LYPLAL1: variants seen among roughly 807,000 people sequenced by gnomAD.
LYPLAL1 encodes the protein lysophospholipase like 1, also known as lysophospholipase-like protein 1.
A neutral mutation model predicts 19.7 loss-of-function variants in LYPLAL1; 23 were observed. That is an observed-to-expected ratio of 1.17 (90% confidence interval 0.84 to 1.65). The LOEUF (loss-of-function observed/expected upper bound fraction) is 1.65. LYPLAL1 is among the 40% of genes most tolerant of loss of function. The pLI, the probability that LYPLAL1 is intolerant of heterozygous loss-of-function variation, is 0.00. For synonymous variants in LYPLAL1, 119 were observed against 96.3 expected, an observed-to-expected ratio of 1.24 and a Z score of -1.38; for missense variants, 355 against 279.4, an observed-to-expected ratio of 1.27 and a Z score of -1.93.
the LYPLAL1 span, among the ~76,000 whole-genome samples, chr1:219,259,774 A>G: frequency 2.0e-5 from 3 of 151,486 alleles, no homozygotes; most frequent in Admixed American, 6.6e-5. Flanking sequence ...TTCCCCCAAA[A>G]CTATTGAAAT....
At chr1:219,375,060 C>T in the LYPLAL1 span, among the ~76,000 whole-genome samples, 2 of 152,222 alleles carry the variant, frequency 1.3e-5, no homozygotes, top group Non-Finnish European at 2.9e-5. Context: ...ACTACCATTA[C>T]ATAGCTGTTC....
At chr1:219,439,157 A>C in the LYPLAL1 span, among the ~76,000 whole-genome samples, 1 of 151,564 alleles carries the variant, frequency 6.6e-6, no homozygotes, top group Non-Finnish European at 1.5e-5. Flanking sequence ...ACAAACTCAT[A>C]CTCCTGTAAG....
At chr1:219,405,282 C>T in the LYPLAL1 span, among the ~76,000 whole-genome samples, 1 of 152,104 alleles carries the variant, frequency 6.6e-6, no homozygotes, top group Non-Finnish European at 1.5e-5. Context: ...TAGATAACAC[C>T]ACCAAATAAA....
the LYPLAL1 span, among the ~76,000 whole-genome samples, chr1:219,343,873 T>C: frequency 6.6e-6 from 1 of 152,226 alleles, no homozygotes; most frequent in Non-Finnish European, 1.5e-5. Flanking sequence ...ATTCCTTTTT[T>C]TTTCTTCCAC....
the LYPLAL1 span, among the ~76,000 whole-genome samples, chr1:219,263,353 A>G: frequency 6.6e-6 from 1 of 152,100 alleles, no homozygotes; most frequent in Admixed American, 6.5e-5. Context: ...TGCCCCACCA[A>G]TAGTGCCAAG....
chr1:219,320,147 TTCTA>T, the LYPLAL1 span, among the ~76,000 whole-genome samples: 1 of 152,170 alleles, frequency 6.6e-6, no homozygotes, highest in Non-Finnish European at 1.5e-5. Flanking sequence ...CGTTTATAAT[TTCTA>T]TCTCCATTCT....
At chr1:219,229,337 G>GAC in the LYPLAL1 span, among the ~76,000 whole-genome samples, 5 of 129,986 alleles carry the variant, frequency 3.8e-5, no homozygotes, top group African/African-American at 1.1e-4. Context: ...GAGAGAGAGA[G>GAC]ACACGCAGGC....
At chr1:219,383,410 T>C in the LYPLAL1 span, among the ~76,000 whole-genome samples, 4 of 152,222 alleles carry the variant, frequency 2.6e-5, no homozygotes, top group African/African-American at 9.6e-5. Context: ...CTTTAACTAA[T>C]TGGGCTGGTC....
the LYPLAL1 span, among the ~76,000 whole-genome samples, chr1:219,338,105 T>C: frequency 9.2e-5 from 14 of 152,098 alleles, no homozygotes; most frequent in East Asian, 2.7e-3. Flanking sequence ...GGATGGAACT[T>C]ACCCTACCCC....
the LYPLAL1 span, among the ~76,000 whole-genome samples, chr1:219,441,592 A>G: frequency 6.6e-6 from 1 of 152,230 alleles, no homozygotes; most frequent in Non-Finnish European, 1.5e-5. Context: ...AGAGTATTAG[A>G]AGGGCCAGAA....
At chr1:219,366,708 A>C in the LYPLAL1 span, among the ~76,000 whole-genome samples, 1 of 152,188 alleles carries the variant, frequency 6.6e-6, no homozygotes, top group Non-Finnish European at 1.5e-5. Flanking sequence ...TGGAGCAGGA[A>C]GCATATTCTT....
the LYPLAL1 span, among the ~76,000 whole-genome samples, chr1:219,398,678 A>T: frequency 0.4 from 61,308 of 152,026 alleles, 12,489 homozygotes; most frequent in Admixed American, 0.48. Context: ...CTCATCTTTA[A>T]GGGCTGATGT....
chr1:219,229,899 G>C, the LYPLAL1 span, among the ~76,000 whole-genome samples: 1 of 152,144 alleles, frequency 6.6e-6, no homozygotes, highest in African/African-American at 2.4e-5. Context: ...TTTGAAGAGG[G>C]CAAAATACCC....
At chr1:219,342,230 A>C in the LYPLAL1 span, among the ~76,000 whole-genome samples, 4 of 152,230 alleles carry the variant, frequency 2.6e-5, no homozygotes, top group African/African-American at 9.6e-5. Flanking sequence ...TTGTAAGCAG[A>C]GACACAGACT....
the LYPLAL1 span, among the ~76,000 whole-genome samples, chr1:219,305,661 T>C: frequency 6.6e-6 from 1 of 152,228 alleles, no homozygotes; most frequent in Non-Finnish European, 1.5e-5. Flanking sequence ...ATTGGGTATC[T>C]GTTGAAAACC....
At chr1:219,444,473 G>A in the LYPLAL1 span, among the ~76,000 whole-genome samples, 1 of 152,060 alleles carries the variant, frequency 6.6e-6, no homozygotes, top group South Asian at 2.1e-4. Context: ...TTCTTGAATT[G>A]ACTCCCACAC....
chr1:219,367,889 C>T, the LYPLAL1 span, among the ~76,000 whole-genome samples: 1 of 151,500 alleles, frequency 6.6e-6, no homozygotes, highest in Non-Finnish European at 1.5e-5. Context: ...CAGACTTGTA[C>T]CTCATTCTGC....
chr1:219,323,385 G>T, the LYPLAL1 span, among the ~76,000 whole-genome samples: 54 of 152,264 alleles, frequency 3.5e-4, no homozygotes, highest in African/African-American at 1.2e-3. Flanking sequence ...TCATTATGTG[G>T]CCTTCATTAG....
the LYPLAL1 span, among the ~76,000 whole-genome samples, chr1:219,405,569 T>C: frequency 6.6e-6 from 1 of 152,230 alleles, no homozygotes; most frequent in Non-Finnish European, 1.5e-5. Flanking sequence ...AAGGACCATC[T>C]TCTGAAACAC....
Sources: gnomAD v4.1 joint callset for allele counts (sites outside exome capture counted in the v4.1 genomes callset) on GRCh38, gnomAD v4.1.1 for gene constraint, MANE v1.5 for transcripts, NCBI Gene and HGNC (gene_info 2026-07-23, HGNC 2026-07-21) for gene names.